LDLRAD3: variants seen among roughly 807,000 people sequenced by gnomAD.
The protein encoded by LDLRAD3 is low density lipoprotein receptor class A domain containing 3, also known as low-density lipoprotein receptor class A domain-containing protein 3.
Under a neutral mutation model 29.4 loss-of-function variants are expected in LDLRAD3, and 20 were observed. The observed-to-expected ratio is 0.68, with a 90% confidence interval of 0.48 to 0.99. The LOEUF is 0.99. Among genes scored for constraint, LDLRAD3 ranks in the 50% least tolerant of loss-of-function variants. LDLRAD3 has a pLI of 0.00. For synonymous variants in LDLRAD3, 157 were observed against 192.7 expected (o/e 0.81, Z 1.53); for missense variants, 420 against 454.3 (o/e 0.92, Z 0.69).
chr11:36,081,636 T>A lies in LDLRAD3; in HGVS notation c.194-17T>A, dbSNP rs765375424. On this transcript the variant is annotated splice_polypyrimidine_tract_variant and intron_variant, in intron 2 of 5. Coordinates refer to ENST00000315571, the MANE Select transcript of LDLRAD3 (RefSeq NM_174902.4). ...GAACATCTCCTGATGTCTTGCTGTT[T>A]CTTTTTCTTCCTGCAGCCAAGGCTA... 6.2e-7 allele frequency: 1 copy of A among 1,614,236 alleles called. No individual in the cohort carries two copies. The highest frequency in any genetic ancestry group is 8.5e-7 in the Non-Finnish European group (1 of 1,180,036).
chr11:36,199,682 A>T (rs1178854647), intron 4 of LDLRAD3, among the ~76,000 whole-genome samples: 1 of 152,224 alleles, frequency 6.6e-6, no homozygotes, highest in African/African-American at 2.4e-5. Context: ...TTCTAACAGT[A>T]GCCCGTCCAG....
rs58797343 is a variant in LDLRAD3, at chr11:35,971,994, G to C, written c.46+27850G>C. 3.2e-3 allele frequency among the ~76,000 whole-genome samples: 494 copies of C among 152,252 alleles called. 3 individuals carry two copies. Among genetic ancestry groups the C allele is most frequent in the African/African-American group, 0.011 (477 of 41,540 alleles). ...GGAACACTGAAGGAGCTGCCGGTGTGGGGGAGGAGTCCCAGTTGTCAGTAA... is the reference window on the plus strand; with the variant it reads ...GGAACACTGAAGGAGCTGCCGGTGTCGGGGAGGAGTCCCAGTTGTCAGTAA... On this transcript the variant is annotated intron_variant, in intron 1 of 5. Transcript: ENST00000315571.
intron 1 of LDLRAD3, among the ~76,000 whole-genome samples, chr11:36,010,709 G>A (rs976657383): frequency 3.9e-5 from 6 of 152,114 alleles, no homozygotes; most frequent in African/African-American, 1.4e-4. Context: ...TTGGAATAGA[G>A]GTCTGCATCA....
chr11:36,022,185 G>C (rs764896835), intron 1 of LDLRAD3, among the ~76,000 whole-genome samples: 1 of 152,104 alleles, frequency 6.6e-6, no homozygotes, highest in Non-Finnish European at 1.5e-5. Flanking sequence ...GTTCAGGGTG[G>C]ATCCTTTTAC....
At chr11:35,987,073 T>G (rs1851624369) in intron 1 of LDLRAD3, among the ~76,000 whole-genome samples, 1 of 152,224 alleles carries the variant, frequency 6.6e-6, no homozygotes, top group Non-Finnish European at 1.5e-5. Flanking sequence ...ACGGGGCTGC[T>G]TCACTTAGAA....
intron 4 of LDLRAD3, among the ~76,000 whole-genome samples, chr11:36,223,625 C>T (rs1179635104): frequency 2.0e-5 from 3 of 151,912 alleles, no homozygotes; most frequent in African/African-American, 4.8e-5. Flanking sequence ...GCCACTGAGA[C>T]GGGAAGGTGG....
intron 2 of LDLRAD3, among the ~76,000 whole-genome samples, chr11:36,042,902 T>A (rs1242531496): frequency 6.6e-6 from 1 of 152,162 alleles, no homozygotes; most frequent in Admixed American, 6.5e-5. Flanking sequence ...CTCCTGGCCA[T>A]CAGAACTGTG....
intron 4 of LDLRAD3, among the ~76,000 whole-genome samples, chr11:36,170,235 T>C (rs189494875): frequency 6.7e-6 from 1 of 150,306 alleles, no homozygotes; most frequent in East Asian, 1.9e-4. Context: ...TTCCATGGTG[T>C]GTATGTGTGT....
intron 4 of LDLRAD3, among the ~76,000 whole-genome samples, chr11:36,189,903 T>A (rs531341637): frequency 5.7e-4 from 87 of 152,300 alleles, no homozygotes; most frequent in East Asian, 5.8e-4. Context: ...ACAAAGGACA[T>A]GAACTCATCC....
intron 4 of LDLRAD3, among the ~76,000 whole-genome samples, chr11:36,194,527 C>A (rs535252212): frequency 6.6e-6 from 1 of 152,076 alleles, no homozygotes; most frequent in Non-Finnish European, 1.5e-5. Context: ...AAGCCTGGTG[C>A]CACCACTGGG....
At chr11:36,114,234 TGA>T (rs1192527909) in intron 4 of LDLRAD3, among the ~76,000 whole-genome samples, 7 of 152,204 alleles carry the variant, frequency 4.6e-5, no homozygotes, top group Non-Finnish European at 1.0e-4. Flanking sequence ...TCACACAGCC[TGA>T]GAGAGAACTC....
At chr11:36,069,094 G>A (rs1413721130) in intron 2 of LDLRAD3, among the ~76,000 whole-genome samples, 1 of 152,150 alleles carries the variant, frequency 6.6e-6, no homozygotes, top group African/African-American at 2.4e-5. Flanking sequence ...AATAAAACTT[G>A]GAGTCTACTC....
intron 2 of LDLRAD3, among the ~76,000 whole-genome samples, chr11:36,062,667 G>C (rs1852720801): frequency 6.6e-6 from 1 of 152,168 alleles, no homozygotes; most frequent in African/African-American, 2.4e-5. Flanking sequence ...TCTCATGACA[G>C]TGAGTGAGTT....
chr11:36,210,322 T>A (rs1855266680), intron 4 of LDLRAD3, among the ~76,000 whole-genome samples: 1 of 152,230 alleles, frequency 6.6e-6, no homozygotes, highest in Non-Finnish European at 1.5e-5. Context: ...TTGGGCCCTC[T>A]GTTGGCAACA....
chr11:36,128,474 C>T (rs1302392987), intron 4 of LDLRAD3, among the ~76,000 whole-genome samples: 2 of 152,048 alleles, frequency 1.3e-5, no homozygotes, highest in East Asian at 1.9e-4. Context: ...TGTAGAAGCC[C>T]GTGCACCTGG....
At chr11:35,945,493 G>T (rs979769722) in intron 1 of LDLRAD3, among the ~76,000 whole-genome samples, 3 of 152,188 alleles carry the variant, frequency 2.0e-5, no homozygotes, top group African/African-American at 7.2e-5. Flanking sequence ...TTTTAACCAG[G>T]TCTGGGTGAG....
chr11:35,976,557 C>G (rs759020806), intron 1 of LDLRAD3, among the ~76,000 whole-genome samples: 1 of 152,086 alleles, frequency 6.6e-6, no homozygotes, highest in Admixed American at 6.5e-5. Context: ...GAAGGGGATG[C>G]TAGTATTTCC....
chr11:36,019,587 A>G (rs898675233), intron 1 of LDLRAD3, among the ~76,000 whole-genome samples: 1 of 152,116 alleles, frequency 6.6e-6, no homozygotes, highest in African/African-American at 2.4e-5. Context: ...AACAGAGGCA[A>G]GCTTTCGACT....
chr11:36,009,687 G>A (rs890492423), intron 1 of LDLRAD3, among the ~76,000 whole-genome samples: 5 of 152,146 alleles, frequency 3.3e-5, no homozygotes, highest in African/African-American at 9.7e-5. Context: ...TTTGCTTACC[G>A]AAAGTTGCAG....
Sources: allele counts gnomAD v4.1 joint callset (sites outside exome capture counted in the v4.1 genomes callset), GRCh38; gene constraint gnomAD v4.1.1; transcripts MANE v1.5; gene names NCBI Gene and HGNC (gene_info 2026-07-23, HGNC 2026-07-21).